The following POLR3B variants were observed in gnomAD, a reference collection of about 807,000 sequenced individuals.
POLR3B encodes the protein RNA polymerase III subunit B, also known as DNA-directed RNA polymerase III subunit RPC2.
A neutral mutation model predicts 147.4 loss-of-function variants in POLR3B; 96 were observed. The ratio of observed to expected loss-of-function variants is 0.65; its 90% confidence interval spans 0.55 to 0.77. The LOEUF (loss-of-function observed/expected upper bound fraction) is 0.77. POLR3B is among the 30% of genes least tolerant of loss of function. POLR3B has a pLI of 0.00. For missense variants in POLR3B, 1,036 were observed against 1,413.5 expected (o/e 0.73, Z 4.28); for synonymous variants, 461 against 485.9 (o/e 0.95, Z 0.67).
At chr12:106,486,831 T>G (rs1037783744) in intron 23 of POLR3B, among the ~76,000 whole-genome samples, 2 of 152,210 alleles carry the variant, frequency 1.3e-5, no homozygotes, top group Non-Finnish European at 2.9e-5. Flanking sequence ...TGGCCTTGTG[T>G]AAAATTCAGA....
intron 4 of POLR3B, 84 bp from the exon 5 acceptor site, chr12:106,369,191 C>A (rs2036570858): frequency 2.5e-6 from 2 of 800,972 alleles, no homozygotes; most frequent in African/African-American, 3.4e-5. Flanking sequence ...AAAACATAAT[C>A]TTTGTATTTG....
At chr12:106,467,806 C>T (rs973968069) in intron 23 of POLR3B, among the ~76,000 whole-genome samples, 1 of 152,190 alleles carries the variant, frequency 6.6e-6, no homozygotes, top group African/African-American at 2.4e-5. Flanking sequence ...ATGAAGCCGA[C>T]TTGATCGTGG....
intron 4 of POLR3B, 78 bp downstream of exon 4, chr12:106,366,800 C>G (rs886938167): frequency 8.5e-6 from 10 of 1,181,334 alleles, no homozygotes; most frequent in South Asian, 6.1e-5. Context: ...GCTATCAAAA[C>G]TCTTTTAAAA....
In POLR3B at chr12:106,433,713, GC is replaced by G; in HGVS notation, c.1628-4del. ...TCTGTCTTACCTGTTCTTTCTTTTT[GC>G]CTAGGTAACATCTTAGGTGTCATTC... On this transcript the variant is annotated splice_region_variant and splice_polypyrimidine_tract_variant and intron_variant, in intron 15 of 27. Transcript: ENST00000228347. The G allele has an allele frequency of 6.2e-7, 1 of 1,609,648 alleles. No individual in the cohort carries two copies. Among genetic ancestry groups the G allele is most frequent in the Non-Finnish European group, 8.5e-7 (1 of 1,178,420 alleles).
chr12:106,364,865 G>A (rs2036512015), intron 2 of POLR3B, among the ~76,000 whole-genome samples: 1 of 152,226 alleles, frequency 6.6e-6, no homozygotes, highest in African/African-American at 2.4e-5. Flanking sequence ...GCCGGGCGCG[G>A]TGGCTCACGC....
intron 23 of POLR3B, among the ~76,000 whole-genome samples, chr12:106,495,162 C>G (rs2038460916): frequency 6.6e-6 from 1 of 152,126 alleles, no homozygotes; most frequent in Non-Finnish European, 1.5e-5. Context: ...AGTTAACAAT[C>G]TAAATTCTAT....
chr12:106,402,730 C>T lies in POLR3B; in HGVS notation c.847-3127C>T, dbSNP rs141023463. ...GGGAAAGGATTCCCTATTTAATAAA[C>T]GGTGCTGGGAAAACTGGCTAGCCAT... On this transcript the variant is annotated intron_variant, in intron 10 of 27. Coordinates refer to ENST00000228347, the MANE Select transcript of POLR3B (RefSeq NM_018082.6). Among the ~76,000 whole-genome samples the T allele has an allele frequency of 2.7e-3, 408 of 152,100 alleles. 1 individual carries two copies. The highest frequency in any genetic ancestry group is 8.4e-3 in the African/African-American group (349 of 41,490).
chr12:106,497,027 C>A (rs2038499630), intron 25 of POLR3B, 109 bp downstream of exon 25: 2 of 1,106,082 alleles, frequency 1.8e-6, no homozygotes, highest in Non-Finnish European at 2.7e-6. Flanking sequence ...CAAGCTTGTA[C>A]AGCCCGTGGG....
intron 18 of POLR3B, among the ~76,000 whole-genome samples, chr12:106,442,129 C>T (rs1385810321): frequency 2.0e-5 from 3 of 149,530 alleles, no homozygotes; most frequent in East Asian, 3.9e-4. Flanking sequence ...AATTCCTGTT[C>T]AGTTTCTAAA....
chr12:106,493,455 G>C (rs1211792827), intron 23 of POLR3B, among the ~76,000 whole-genome samples: 2 of 152,102 alleles, frequency 1.3e-5, no homozygotes, highest in African/African-American at 4.8e-5. Context: ...TACCCCTAAT[G>C]AATTCAGTAA....
chr12:106,361,266 G>A (rs1219802656), intron 1 of POLR3B, among the ~76,000 whole-genome samples: 1 of 152,224 alleles, frequency 6.6e-6, no homozygotes, highest in African/African-American at 2.4e-5. Context: ...GAGGATAAAT[G>A]CGAGGAAGGT....
chr12:106,506,954 T>C (rs2038697985), intron 27 of POLR3B, among the ~76,000 whole-genome samples: 1 of 152,178 alleles, frequency 6.6e-6, no homozygotes, highest in Non-Finnish European at 1.5e-5. Flanking sequence ...AGCCACACAA[T>C]GAAGGCTAGG....
At chr12:106,447,619 C>T (rs550308421) in intron 19 of POLR3B, among the ~76,000 whole-genome samples, 1 of 152,328 alleles carries the variant, frequency 6.6e-6, no homozygotes, top group East Asian at 1.9e-4. Flanking sequence ...TTTGTGTCCT[C>T]TCATCGGCAC....
chr12:106,495,954 G>T, intron 23 of POLR3B, 101 bp from the exon 24 acceptor site: 1 of 796,854 alleles, frequency 1.3e-6, no homozygotes, highest in Admixed American at 1.7e-5. Context: ...AGATTTTAGA[G>T]CAGTGGAAAT....
chr12:106,381,282 C>G (rs534629567), intron 9 of POLR3B, among the ~76,000 whole-genome samples: 1 of 152,292 alleles, frequency 6.6e-6, no homozygotes, highest in East Asian at 1.9e-4. Flanking sequence ...GCATTTTACC[C>G]ACAGTAGAAC....
intron 23 of POLR3B, among the ~76,000 whole-genome samples, chr12:106,475,841 T>C (rs1372962261): frequency 6.6e-6 from 1 of 151,114 alleles, no homozygotes; most frequent in Non-Finnish European, 1.5e-5. Context: ...CTGTGTCTTT[T>C]AATTGGAGAA....
chr12:106,450,899 A>G (rs1016876799), intron 19 of POLR3B, among the ~76,000 whole-genome samples: 8 of 152,220 alleles, frequency 5.3e-5, no homozygotes, highest in Non-Finnish European at 7.3e-5. Context: ...ATGAATGTTT[A>G]TAGCAGTTTT....
At chr12:106,392,748 C>A (rs771996700) in intron 9 of POLR3B, among the ~76,000 whole-genome samples, 6 of 152,168 alleles carry the variant, frequency 3.9e-5, no homozygotes, top group Admixed American at 1.3e-4. Flanking sequence ...TCCCAGCCTC[C>A]TTTTTTCGTG....
At chr12:106,436,701 A>G (rs2037581368) in intron 16 of POLR3B, among the ~76,000 whole-genome samples, 4 of 152,186 alleles carry the variant, frequency 2.6e-5, no homozygotes, top group African/African-American at 9.7e-5. Flanking sequence ...TTTTTAAAAT[A>G]TGGCATTAAA....
Sources: allele counts gnomAD v4.1 joint callset (sites outside exome capture counted in the v4.1 genomes callset), GRCh38; gene constraint gnomAD v4.1.1; transcripts MANE v1.5; gene names NCBI Gene and HGNC (gene_info 2026-07-23, HGNC 2026-07-21).